DIAPH3: variants seen among roughly 807,000 people sequenced by gnomAD.
The protein encoded by DIAPH3 is diaphanous related formin 3, also known as protein diaphanous homolog 3.
A neutral mutation model predicts 144.3 loss-of-function variants in DIAPH3; 117 were observed. The ratio of observed to expected loss-of-function variants is 0.81; its 90% CI spans 0.70 to 0.95. DIAPH3 has a LOEUF of 0.95. Among genes scored for constraint, DIAPH3 ranks in the 40% least tolerant of loss-of-function variants. The pLI, the probability that DIAPH3 is intolerant of heterozygous loss-of-function variation, is 0.00. For missense variants in DIAPH3, 1,421 were observed against 1,412.7 expected, an observed-to-expected ratio of 1.01 and a Z score of -0.09; for synonymous variants, 519 against 488.9, an observed-to-expected ratio of 1.06 and a Z score of -0.81.
chr13:59,888,676 T>C (rs1181994429), intron 20 of DIAPH3, among the ~76,000 whole-genome samples: 1 of 152,116 alleles, frequency 6.6e-6, no homozygotes, highest in Non-Finnish European at 1.5e-5. Context: ...CTATTTCAGG[T>C]ACTCTTCATT....
At chr13:60,041,052 G>GATCC (rs2055628007) in intron 5 of DIAPH3, among the ~76,000 whole-genome samples, 1 of 151,042 alleles carries the variant, frequency 6.6e-6, no homozygotes, top group Non-Finnish European at 1.5e-5. Flanking sequence ...GACCTCAAGT[G>GATCC]ATCCACCTGC....
At chr13:60,126,436 AT>A (rs2058992059) in intron 2 of DIAPH3, among the ~76,000 whole-genome samples, 2 of 152,232 alleles carry the variant, frequency 1.3e-5, no homozygotes, top group South Asian at 4.1e-4. Context: ...ACAATCTTAT[AT>A]ATGCACTTTA....
At chr13:59,758,120 T>C (rs2037383136) in intron 27 of DIAPH3, among the ~76,000 whole-genome samples, 1 of 152,228 alleles carries the variant, frequency 6.6e-6, no homozygotes, top group Non-Finnish European at 1.5e-5. Flanking sequence ...CTTTTGGAAG[T>C]ATAAACTGGT....
intron 14 of DIAPH3, among the ~76,000 whole-genome samples, chr13:59,975,513 G>C (rs934029306): frequency 6.6e-6 from 1 of 151,802 alleles, no homozygotes; most frequent in Non-Finnish European, 1.5e-5. Flanking sequence ...AATGCTTTAC[G>C]GTTTTACTTA....
intron 20 of DIAPH3, among the ~76,000 whole-genome samples, chr13:59,895,298 G>A (rs77427557): frequency 0.015 from 2,262 of 151,764 alleles, 62 homozygotes; most frequent in East Asian, 0.095. Context: ...TTGGCTATTC[G>A]GTATCCGCTC....
rs963955942 is a variant in DIAPH3, at chr13:59,670,643, C to T, written c.3320-3797G>A. Reference sequence around the variant, plus strand: ...TGTCGCCCAGGCTGGAGTGCAGTGGCGGGATCTCGGCTCACTGCAAGCTCC... The same window carrying T: ...TGTCGCCCAGGCTGGAGTGCAGTGGTGGGATCTCGGCTCACTGCAAGCTCC... On this transcript the variant is annotated intron_variant, in intron 27 of 27. Coordinates refer to ENST00000400324, the MANE Select transcript of DIAPH3 (RefSeq NM_001042517.2). 5.4e-5 allele frequency among the ~76,000 whole-genome samples: 8 copies of T among 147,432 alleles called. No individual in the cohort carries two copies. The South Asian group carries it at 8.7e-4, about 16-fold the overall frequency.
chr13:59,803,398 G>A (rs1233907562), intron 25 of DIAPH3, among the ~76,000 whole-genome samples: 1 of 151,990 alleles, frequency 6.6e-6, no homozygotes, highest in Non-Finnish European at 1.5e-5. Context: ...TCCCAGAGAA[G>A]TTAAACAACA....
At chr13:59,697,332 C>A (rs1214652649) in intron 27 of DIAPH3, among the ~76,000 whole-genome samples, 1 of 151,446 alleles carries the variant, frequency 6.6e-6, no homozygotes, top group East Asian at 1.9e-4. Context: ...TGGTGGCAGG[C>A]GCCTGTAGTG....
At chr13:60,138,785 GGGGAAGAGGGAAGA>G (rs57143670) in intron 1 of DIAPH3, among the ~76,000 whole-genome samples, 1 of 76,028 alleles carries the variant, frequency 1.3e-5, no homozygotes, top group African/African-American at 4.5e-5. Context: ...AGGAGAAGAA[GGGGAAGAGGGAAGA>G]GGGAAGAGGG....
At chr13:60,079,961 T>A (rs1042944149) in intron 4 of DIAPH3, among the ~76,000 whole-genome samples, 1 of 151,800 alleles carries the variant, frequency 6.6e-6, no homozygotes, top group African/African-American at 2.4e-5. Flanking sequence ...TTCCAAACTT[T>A]CCCACACAAA....
intron 27 of DIAPH3, among the ~76,000 whole-genome samples, chr13:59,703,665 T>A (rs2034245595): frequency 6.6e-6 from 1 of 152,196 alleles, no homozygotes; most frequent in Non-Finnish European, 1.5e-5. Flanking sequence ...TTCCTCTAGT[T>A]TCTGAAATAT....
At chr13:59,681,015 TTATC>T (rs531822653) in intron 27 of DIAPH3, among the ~76,000 whole-genome samples, 165 of 152,332 alleles carry the variant, frequency 1.1e-3, no homozygotes, top group African/African-American at 3.7e-3. Flanking sequence ...ATCATTTTAT[TTATC>T]TAATCTAATC....
intron 1 of DIAPH3, among the ~76,000 whole-genome samples, chr13:60,149,488 C>T (rs1016658443): frequency 1.3e-5 from 2 of 152,152 alleles, no homozygotes; most frequent in African/African-American, 4.8e-5. Flanking sequence ...CAGTGGCTCA[C>T]ATCTACAATC....
chr13:59,968,198 T>C (rs2050163550), intron 17 of DIAPH3, among the ~76,000 whole-genome samples: 1 of 152,180 alleles, frequency 6.6e-6, no homozygotes, highest in South Asian at 2.1e-4. Context: ...AGGGCTAACA[T>C]TGCAGCTAAA....
intron 1 of DIAPH3, among the ~76,000 whole-genome samples, chr13:60,153,730 G>C (rs1273449525): frequency 6.6e-6 from 1 of 152,100 alleles, no homozygotes. Context: ...ATGTAAATCT[G>C]TTTTAGTTTT....
chr13:60,159,445 G>GTGAA (rs1390370712), intron 1 of DIAPH3, among the ~76,000 whole-genome samples: 1 of 151,980 alleles, frequency 6.6e-6, no homozygotes, highest in Non-Finnish European at 1.5e-5. Flanking sequence ...GGCCAACATG[G>GTGAA]TGAAGCCTCA....
chr13:60,126,266 A>G (rs2058986748), intron 2 of DIAPH3, among the ~76,000 whole-genome samples: 1 of 152,214 alleles, frequency 6.6e-6, no homozygotes, highest in Non-Finnish European at 1.5e-5. Flanking sequence ...AATTGAGAAA[A>G]TTTGATGTCA....
chr13:59,772,499 CCAG>C (rs2038172297), intron 27 of DIAPH3, among the ~76,000 whole-genome samples: 1 of 151,968 alleles, frequency 6.6e-6, no homozygotes, highest in Non-Finnish European at 1.5e-5. Flanking sequence ...AGAACTTAAG[CCAG>C]TACACATTAG....
At chr13:59,754,071 T>G (rs1329754905) in intron 27 of DIAPH3, among the ~76,000 whole-genome samples, 2 of 152,140 alleles carry the variant, frequency 1.3e-5, no homozygotes, top group African/African-American at 4.8e-5. Flanking sequence ...CTCAGCTGAT[T>G]GTTCCCATCT....
Sources: allele counts gnomAD v4.1 joint callset (sites outside exome capture counted in the v4.1 genomes callset), GRCh38; gene constraint gnomAD v4.1.1; transcripts MANE v1.5; gene names NCBI Gene and HGNC (gene_info 2026-07-23, HGNC 2026-07-21).